CSMD1: variants seen among roughly 807,000 people sequenced by gnomAD.
CSMD1 encodes the protein CUB and sushi domain-containing protein 1.
In CSMD1, 213 loss-of-function variants were observed where a neutral mutation model predicts 417.5. That is an observed-to-expected ratio of 0.51 (90% CI 0.46 to 0.57). CSMD1 has a LOEUF of 0.57. CSMD1 is among the 20% of genes least tolerant of loss of function. The probability of loss-of-function intolerance (pLI) is 0.00; values close to 1 mark genes in which losing one functional copy is unlikely to be tolerated. For missense variants in CSMD1, 6,923 were observed against 4,529.7 expected (o/e 1.53, Z -15.17); for synonymous variants, 2,862 against 1,736.8 (o/e 1.65, Z -16.11).
At chr8:3,499,787 T>C (rs1379211261) in intron 10 of CSMD1, among the ~76,000 whole-genome samples, 3 of 152,064 alleles carry the variant, frequency 2.0e-5, no homozygotes, top group Non-Finnish European at 4.4e-5. Context: ...TGTGGTGGGA[T>C]GATGGCTGCG....
At chr8:4,456,573 G>A (rs1799501312) in intron 2 of CSMD1, among the ~76,000 whole-genome samples, 1 of 152,164 alleles carries the variant, frequency 6.6e-6, no homozygotes, top group Admixed American at 6.5e-5. Context: ...AAACAGCCCT[G>A]TCTTCTCACA....
In CSMD1 at chr8:4,042,554, C is replaced by G. The variant is rs137879570; in HGVS notation, c.416-10455G>C. ...TACCACAAGGAATATTAAAATGAGT[C>G]ATTCCAGCGGAAGGTAATAGCATAG... On this transcript the variant is annotated intron_variant, in intron 3 of 69. Coordinates refer to ENST00000635120, the MANE Select transcript of CSMD1 (RefSeq NM_033225.6). Among the ~76,000 whole-genome samples, 576 of 152,112 alleles carry G rather than the reference C, an allele frequency of 3.8e-3. 3 individuals carry two copies. The highest frequency in any genetic ancestry group is 0.013 in the African/African-American group (555 of 41,508).
At chr8:4,101,207 G>C (rs1244643420) in intron 3 of CSMD1, among the ~76,000 whole-genome samples, 1 of 152,166 alleles carries the variant, frequency 6.6e-6, no homozygotes, top group Admixed American at 6.5e-5. Context: ...ATACACGTAT[G>C]AATTCTTGGT....
chr8:4,443,499 C>A (rs919055544), intron 2 of CSMD1, among the ~76,000 whole-genome samples: 1 of 152,024 alleles, frequency 6.6e-6, no homozygotes. Context: ...CTTTATATGC[C>A]ACATATATTA....
chr8:3,898,837 A>T (rs747283102), intron 5 of CSMD1, among the ~76,000 whole-genome samples: 2 of 152,180 alleles, frequency 1.3e-5, no homozygotes. Context: ...TTATTTATTG[A>T]TTTCTCAGGA....
intron 3 of CSMD1, among the ~76,000 whole-genome samples, chr8:4,269,330 T>C (rs995143142): frequency 1.2e-4 from 19 of 152,170 alleles, no homozygotes; most frequent in Non-Finnish European, 1.9e-4. Context: ...TCCCCCAAAG[T>C]GCTGGGATTA....
chr8:4,009,783 T>G (rs976677811), intron 4 of CSMD1, among the ~76,000 whole-genome samples: 2 of 152,122 alleles, frequency 1.3e-5, no homozygotes, highest in Non-Finnish European at 2.9e-5. Flanking sequence ...CCCAGAGACA[T>G]GGACCATTCC....
intron 2 of CSMD1, among the ~76,000 whole-genome samples, chr8:4,596,888 C>T (rs1369472069): frequency 6.6e-6 from 1 of 152,140 alleles, no homozygotes; most frequent in African/African-American, 2.4e-5. Context: ...CTTCTGATAG[C>T]GAATAAGTCT....
chr8:4,686,229 T>C (rs1202284278), intron 1 of CSMD1, among the ~76,000 whole-genome samples: 2 of 152,214 alleles, frequency 1.3e-5, no homozygotes, highest in African/African-American at 2.4e-5. Context: ...TTCGGAGCTG[T>C]CTTGGATTTT....
chr8:4,019,392 C>G (rs925396466), intron 4 of CSMD1, among the ~76,000 whole-genome samples: 11 of 152,146 alleles, frequency 7.2e-5, no homozygotes, highest in South Asian at 2.1e-4. Flanking sequence ...TGCAAGCATA[C>G]TACCAAGTCT....
intron 10 of CSMD1, among the ~76,000 whole-genome samples, chr8:3,566,168 A>T (rs570539706): frequency 3.3e-5 from 5 of 151,732 alleles, no homozygotes; most frequent in African/African-American, 1.2e-4. Context: ...AACAACAAAG[A>T]GAGGAGAAAG....
chr8:2,941,479 C>G (rs1186125690), intron 69 of CSMD1, among the ~76,000 whole-genome samples: 1 of 152,136 alleles, frequency 6.6e-6, no homozygotes, highest in Non-Finnish European at 1.5e-5. Flanking sequence ...GCTACCATTT[C>G]AAATAGTATT....
chr8:3,268,344 T>G (rs1801590218), intron 26 of CSMD1, among the ~76,000 whole-genome samples: 1 of 132,492 alleles, frequency 7.5e-6, no homozygotes, highest in Non-Finnish European at 1.5e-5. Flanking sequence ...TCACCCAGGC[T>G]GGAGCGTGAT....
At chr8:4,016,567 C>G (rs75473675) in intron 4 of CSMD1, among the ~76,000 whole-genome samples, 2,493 of 152,238 alleles carry the variant, frequency 0.016, 78 homozygotes, top group African/African-American at 0.057. Context: ...TGAAGATTCA[C>G]TTAGTCCTCA....
chr8:4,951,590 AAAG>A lies in CSMD1; in HGVS notation c.85+42739_85+42741del, dbSNP rs1174634981. 4.5e-3 allele frequency among the ~76,000 whole-genome samples: 369 copies of A among 81,760 alleles called. 2 individuals are homozygous for A. The highest frequency in any genetic ancestry group is 0.015 in the East Asian group (29 of 1,956). 53.6% of individuals were successfully genotyped at this position (81,760 alleles called of 152,430 possible). On this transcript the variant is annotated intron_variant, in intron 1 of 69. Coordinates refer to ENST00000635120, the MANE Select transcript of CSMD1 (RefSeq NM_033225.6). ...ATAAAAAAGAAAAGAAGCAAAAAAA[AAAG>A]AAAAACCTGCGGGGTTTTTTTAATG...
At position 4,486,947 on chromosome 8, in the gene CSMD1, T is replaced by TG. The variant is rs530745034; in HGVS notation, c.303-66883dup. Among the ~76,000 whole-genome samples the TG allele has an allele frequency of 1.4e-3, 214 of 152,262 alleles. 1 individual carries two copies. Among genetic ancestry groups the TG allele is most frequent in the African/African-American group, 4.7e-3 (197 of 41,562 alleles). ...CTTGTCAAGCAGGCAGGGTCCTAAA[T>TG]GGTAGCTCACAGAGAGAGATGCACA... On this transcript the variant is annotated intron_variant, in intron 2 of 69. Transcript: ENST00000635120.
chr8:2,957,930 C>G (rs965604195), intron 62 of CSMD1, 123 bp from the exon 63 acceptor site: 4 of 663,394 alleles, frequency 6.0e-6, no homozygotes, highest in Non-Finnish European at 1.1e-5. Flanking sequence ...TAATGTCAAG[C>G]CACTGTCTAA....
At chr8:3,022,810 G>A (rs1012051155) in intron 51 of CSMD1, among the ~76,000 whole-genome samples, 1 of 152,106 alleles carries the variant, frequency 6.6e-6, no homozygotes, top group Non-Finnish European at 1.5e-5. Context: ...ATGGCTGTTT[G>A]CAAATACACG....
At chr8:3,403,674 T>C (rs1563351984) in intron 15 of CSMD1, among the ~76,000 whole-genome samples, 2 of 152,178 alleles carry the variant, frequency 1.3e-5, no homozygotes, top group Non-Finnish European at 2.9e-5. Flanking sequence ...GATGAGAGTG[T>C]AGTGTTCACT....
Sources: allele counts gnomAD v4.1 joint callset (sites outside exome capture counted in the v4.1 genomes callset), GRCh38; gene constraint gnomAD v4.1.1; transcripts MANE v1.5; gene names NCBI Gene and HGNC (gene_info 2026-07-23, HGNC 2026-07-21).